Variants in MTUS2 observed in about 807,000 individuals in gnomAD.
MTUS2 encodes microtubule associated scaffold protein 2.
Under a neutral mutation model 114.1 loss-of-function variants are expected in MTUS2, and 40 were observed. The observed-to-expected ratio is 0.35, with a 90% CI of 0.27 to 0.46. The LOEUF (loss-of-function observed/expected upper bound fraction) is 0.46. Ranked by LOEUF, MTUS2 falls within the 20% of genes least tolerant of loss-of-function variation. The pLI, the probability that MTUS2 is intolerant of heterozygous loss-of-function variation, is 1.00. For synonymous variants in MTUS2, 688 were observed against 672.0 expected, an observed-to-expected ratio of 1.02 and a Z score of -0.37; for missense variants, 1,679 against 1,705.4, an observed-to-expected ratio of 0.98 and a Z score of 0.27.
At chr13:29,375,282 G>GT in intron 8 of MTUS2, among the ~76,000 whole-genome samples, 1 of 5,664 alleles carries the variant, frequency 1.8e-4, no homozygotes, top group Non-Finnish European at 3.0e-3. Context: ...AATTTAAAAA[G>GT]GAGTTTTTAA....
At chr13:29,361,295 T>C (rs1193900752) in intron 8 of MTUS2, among the ~76,000 whole-genome samples, 1 of 152,208 alleles carries the variant, frequency 6.6e-6, no homozygotes, top group East Asian at 1.9e-4. Flanking sequence ...TGGACATGAA[T>C]TTCATTTTCT....
In MTUS2 at chr13:29,026,418, C is replaced by A; in HGVS notation, c.1720C>A (p.Pro574Thr). Residue 574 changes from proline to threonine, a missense_variant, in exon 3 of 16, where the codon CCT becomes ACT. Transcript: ENST00000612955. ...GGGGTCCCCCTTGGTAGTTCCACCC[C>A]CTACTGATAGTGCACGCTTGTTGAA... ...DAGSPLVVPP[P>T]TDSARLLNTS... 6.2e-6 allele frequency: 10 copies of A among 1,613,898 alleles called. No homozygotes were observed. Among genetic ancestry groups the A allele is most frequent in the Non-Finnish European group, 8.5e-6 (10 of 1,179,858 alleles).
chr13:29,420,673 T>G (rs529818445), intron 8 of MTUS2, among the ~76,000 whole-genome samples: 1 of 152,202 alleles, frequency 6.6e-6, no homozygotes, highest in African/African-American at 2.4e-5. Context: ...GTATGTCAAA[T>G]AGACAGATGC....
intron 6 of MTUS2, among the ~76,000 whole-genome samples, chr13:29,313,631 G>A (rs1289138232): frequency 1.3e-5 from 2 of 152,130 alleles, no homozygotes; most frequent in Non-Finnish European, 2.9e-5. Context: ...AGAAATCAGA[G>A]GAGAGGTAAT....
chr13:29,033,579 C>T (rs1886925420), intron 3 of MTUS2, among the ~76,000 whole-genome samples: 1 of 151,980 alleles, frequency 6.6e-6, no homozygotes, highest in Non-Finnish European at 1.5e-5. Context: ...TATAGTTTGG[C>T]TACTCACTCA....
chr13:29,470,099 C>T (rs1256431136), intron 9 of MTUS2, among the ~76,000 whole-genome samples: 2 of 152,148 alleles, frequency 1.3e-5, no homozygotes, highest in Non-Finnish European at 2.9e-5. Flanking sequence ...AATATCCTTT[C>T]ACAAACTGTT....
intron 2 of MTUS2, among the ~76,000 whole-genome samples, chr13:28,925,754 G>A (rs1881290854): frequency 6.6e-6 from 1 of 152,168 alleles, no homozygotes; most frequent in Admixed American, 6.5e-5. Context: ...ACTGTACGAG[G>A]TATTGTGAGT....
intron 5 of MTUS2, among the ~76,000 whole-genome samples, chr13:29,182,587 A>G (rs1393339936): frequency 6.6e-6 from 1 of 152,216 alleles, no homozygotes; most frequent in African/African-American, 2.4e-5. Context: ...TCTTAGCTAG[A>G]TTCTTAGGAT....
At chr13:29,111,472 AG>A (rs1890881657) in intron 5 of MTUS2, among the ~76,000 whole-genome samples, 2 of 152,222 alleles carry the variant, frequency 1.3e-5, no homozygotes, top group South Asian at 4.1e-4. Context: ...GGAGGTGGAA[AG>A]GAAGAGGAGG....
intron 2 of MTUS2, among the ~76,000 whole-genome samples, chr13:28,970,347 G>A (rs955952312): frequency 6.6e-6 from 1 of 152,168 alleles, no homozygotes; most frequent in Non-Finnish European, 1.5e-5. Flanking sequence ...AATAATGTGA[G>A]CATCTCTAGA....
chr13:29,010,188 G>T (rs1437858987), intron 2 of MTUS2, among the ~76,000 whole-genome samples: 2 of 146,648 alleles, frequency 1.4e-5, no homozygotes, highest in Non-Finnish European at 3.0e-5. Context: ...TCCAGCCTGG[G>T]CGACAGAGCA....
intron 2 of MTUS2, among the ~76,000 whole-genome samples, chr13:28,886,332 C>T (rs1406361056): frequency 6.6e-6 from 1 of 151,990 alleles, no homozygotes; most frequent in African/African-American, 2.4e-5. Context: ...AGCAGGGAGG[C>T]AGGTTCAAAG....
intron 2 of MTUS2, among the ~76,000 whole-genome samples, chr13:28,904,615 C>G (rs1484348898): frequency 6.6e-6 from 1 of 152,028 alleles, no homozygotes; most frequent in Non-Finnish European, 1.5e-5. Flanking sequence ...TGGTCTATAT[C>G]TCTGTTTTGG....
chr13:29,189,390 A>G (rs994147354), intron 5 of MTUS2, among the ~76,000 whole-genome samples: 1 of 152,172 alleles, frequency 6.6e-6, no homozygotes, highest in African/African-American at 2.4e-5. Context: ...ATGGAGTGAT[A>G]TGCTCCCATG....
chr13:29,181,958 T>C (rs1894025073), intron 5 of MTUS2, among the ~76,000 whole-genome samples: 1 of 152,224 alleles, frequency 6.6e-6, no homozygotes, highest in South Asian at 2.1e-4. Context: ...GTTTTTATTA[T>C]ACTGTAATGA....
intron 5 of MTUS2, among the ~76,000 whole-genome samples, chr13:29,245,138 A>G (rs1213641145): frequency 2.0e-5 from 3 of 152,214 alleles, no homozygotes; most frequent in South Asian, 2.1e-4. Context: ...AGAGAGGACA[A>G]TCATAGACAT....
At chr13:29,206,876 G>A (rs1202839563) in intron 5 of MTUS2, among the ~76,000 whole-genome samples, 14 of 152,066 alleles carry the variant, frequency 9.2e-5, no homozygotes, top group Admixed American at 9.2e-4. Context: ...GCTTAGCCTT[G>A]CTTTGGCTAT....
intron 2 of MTUS2, among the ~76,000 whole-genome samples, chr13:29,022,025 G>A (rs1397848753): frequency 2.0e-5 from 3 of 152,186 alleles, no homozygotes; most frequent in Non-Finnish European, 4.4e-5. Flanking sequence ...AAGAACAGAA[G>A]AGCAGTGTGG....
intron 2 of MTUS2, among the ~76,000 whole-genome samples, chr13:28,947,722 C>G (rs974977624): frequency 6.6e-6 from 1 of 152,302 alleles, no homozygotes; most frequent in South Asian, 2.1e-4. Flanking sequence ...CTAGTTAATT[C>G]ACATTTAAAA....
Sources: allele counts gnomAD v4.1 joint callset (sites outside exome capture counted in the v4.1 genomes callset), GRCh38; gene constraint gnomAD v4.1.1; transcripts MANE v1.5; gene names NCBI Gene and HGNC (gene_info 2026-07-23, HGNC 2026-07-21).